Variants in FRMD5 observed in about 807,000 individuals in gnomAD.
FRMD5 encodes the protein FERM domain containing 5, also known as FERM domain-containing protein 5.
A neutral mutation model predicts 69.0 loss-of-function variants in FRMD5; 20 were observed. The observed-to-expected ratio is 0.29, with a 90% CI of 0.20 to 0.42. The LOEUF (loss-of-function observed/expected upper bound fraction) is 0.42. Among genes scored for constraint, FRMD5 ranks in the 10% least tolerant of loss-of-function variants. FRMD5 has a pLI of 1.00. For missense variants in FRMD5, 595 were observed against 708.6 expected, an observed-to-expected ratio of 0.84 and a Z score of 1.82; for synonymous variants, 271 against 260.1, an observed-to-expected ratio of 1.04 and a Z score of -0.40.
In FRMD5 at chr15:43,876,222, C is replaced by A. The variant is rs962881993; in HGVS notation, c.1136-1760G>T. On this transcript the variant is annotated intron_variant, in intron 13 of 13. Coordinates refer to ENST00000417257, the MANE Select transcript of FRMD5 (RefSeq NM_032892.5). The stretch of plus-strand genomic sequence containing the variant: ...ACCCCCTTTCCCCGCTTTTCCAGAA[C>A]CACTTTTTCCTTTGGGCGGCATCTT... 4.4e-6 allele frequency: 7 copies of A among 1,581,298 alleles called. No homozygotes were observed. In the African/African-American group the frequency reaches 9.4e-5, roughly 21 times the overall value.
intron 1 of FRMD5, among the ~76,000 whole-genome samples, chr15:44,014,945 A>C (rs1890890088): frequency 6.6e-6 from 1 of 152,206 alleles, no homozygotes. Context: ...GGATGAAAGC[A>C]CAAGAGGAAA....
chr15:44,043,628 A>C (rs1335326711), intron 1 of FRMD5, among the ~76,000 whole-genome samples: 1 of 152,212 alleles, frequency 6.6e-6, no homozygotes, highest in Non-Finnish European at 1.5e-5. Flanking sequence ...CCACATGTCC[A>C]CAACCATGTG....
chr15:44,095,273 G>A (rs1031833340), intron 1 of FRMD5, among the ~76,000 whole-genome samples: 10 of 151,776 alleles, frequency 6.6e-5, no homozygotes, highest in African/African-American at 2.4e-4. Context: ...TACAACTGTG[G>A]TTCACTGCAC....
chr15:44,051,106 T>C (rs1438518044), intron 1 of FRMD5, among the ~76,000 whole-genome samples: 7 of 150,752 alleles, frequency 4.6e-5, no homozygotes, highest in Non-Finnish European at 1.0e-4. Flanking sequence ...TCTTTTCATC[T>C]TTCACCTCCT....
chr15:43,899,252 T>C (rs1595496060), intron 7 of FRMD5, among the ~76,000 whole-genome samples: 1 of 152,192 alleles, frequency 6.6e-6, no homozygotes, highest in African/African-American at 2.4e-5. Context: ...CTGTTCTCTT[T>C]GCTGGGAGAG....
chr15:44,041,192 C>G (rs535885534), intron 1 of FRMD5, among the ~76,000 whole-genome samples: 31 of 152,102 alleles, frequency 2.0e-4, no homozygotes, highest in African/African-American at 7.0e-4. Flanking sequence ...CACCCAGGTT[C>G]ATAAAGCAAA....
chr15:44,002,448 C>T (rs565445185), intron 1 of FRMD5, among the ~76,000 whole-genome samples: 30 of 152,232 alleles, frequency 2.0e-4, no homozygotes, highest in African/African-American at 6.5e-4. Context: ...CCCTCAGACA[C>T]CGAGTTGTGA....
At chr15:44,100,115 A>G (rs115484864) in intron 1 of FRMD5, among the ~76,000 whole-genome samples, 6,192 of 143,928 alleles carry the variant, frequency 0.043, 362 homozygotes, top group African/African-American at 0.14. Context: ...GTGTGGTGGC[A>G]TGATCTCGAC....
chr15:44,164,763 A>C (rs1034738715), intron 1 of FRMD5, among the ~76,000 whole-genome samples: 1 of 152,160 alleles, frequency 6.6e-6, no homozygotes, highest in Non-Finnish European at 1.5e-5. Flanking sequence ...TTGACAATGA[A>C]ACTGTCACAG....
At chr15:44,120,108 G>C (rs2076925747) in intron 1 of FRMD5, among the ~76,000 whole-genome samples, 1 of 152,204 alleles carries the variant, frequency 6.6e-6, no homozygotes, top group South Asian at 2.1e-4. Flanking sequence ...GTACAGAGGA[G>C]AAAGTTCATA....
intron 1 of FRMD5, among the ~76,000 whole-genome samples, chr15:44,153,629 T>C (rs759305030): frequency 4.6e-5 from 7 of 152,188 alleles, no homozygotes; most frequent in Admixed American, 2.6e-4. Context: ...ATGGTGGTAA[T>C]GGTTGCACAT....
At chr15:44,176,540 T>G (rs1004304285) in intron 1 of FRMD5, among the ~76,000 whole-genome samples, 6 of 152,072 alleles carry the variant, frequency 3.9e-5, no homozygotes, top group Admixed American at 3.9e-4. Flanking sequence ...TTGGACTCCA[T>G]CAAAATTAAA....
chr15:44,055,589 T>A (rs1214583792), intron 1 of FRMD5, among the ~76,000 whole-genome samples: 4 of 152,164 alleles, frequency 2.6e-5, no homozygotes, highest in African/African-American at 9.7e-5. Context: ...ATCAAGTCCT[T>A]TAAATTTTAC....
intron 1 of FRMD5, among the ~76,000 whole-genome samples, chr15:43,973,720 C>T (rs1208046829): frequency 2.0e-5 from 3 of 152,078 alleles, no homozygotes; most frequent in Non-Finnish European, 4.4e-5. Context: ...TCCAAATATA[C>T]TGCAGCATTA....
chr15:43,894,603 C>G (rs565896244), intron 7 of FRMD5, among the ~76,000 whole-genome samples: 1 of 151,938 alleles, frequency 6.6e-6, no homozygotes. Flanking sequence ...GAAATGAAGC[C>G]TTGGGCCTGC....
At chr15:43,901,797 C>T in intron 7 of FRMD5, 1 of 213,790 alleles carries the variant, frequency 4.7e-6, no homozygotes, top group Non-Finnish European at 9.3e-6. Flanking sequence ...CAATAAAACC[C>T]ACTCTCGGAA....
At chr15:44,158,682 AAAG>A (rs1338636476) in intron 1 of FRMD5, among the ~76,000 whole-genome samples, 1 of 152,238 alleles carries the variant, frequency 6.6e-6, no homozygotes, top group Non-Finnish European at 1.5e-5. Context: ...TACCTAATGT[AAAG>A]AAGAGCCTAC....
At chr15:43,966,559 G>T (rs922978282) in intron 1 of FRMD5, among the ~76,000 whole-genome samples, 15 of 152,130 alleles carry the variant, frequency 9.9e-5, no homozygotes, top group Non-Finnish European at 2.1e-4. Flanking sequence ...GTCTGGAAGG[G>T]TTTAGGAAGA....
intron 1 of FRMD5, among the ~76,000 whole-genome samples, chr15:44,175,775 A>G (rs964123847): frequency 1.3e-5 from 2 of 152,222 alleles, no homozygotes; most frequent in East Asian, 3.8e-4. Flanking sequence ...AATAGTACTC[A>G]GCAATGAAAT....
Sources: allele counts gnomAD v4.1 joint callset (sites outside exome capture counted in the v4.1 genomes callset), GRCh38; gene constraint gnomAD v4.1.1; transcripts MANE v1.5; gene names NCBI Gene and HGNC (gene_info 2026-07-23, HGNC 2026-07-21).